CSTPP1: variants seen among roughly 807,000 people sequenced by gnomAD.
The protein encoded by CSTPP1 is UPF0705 protein C11orf49.
chr11:47,039,154 C>G, the CSTPP1 span, among the ~76,000 whole-genome samples: 1 of 127,496 alleles, frequency 7.8e-6, no homozygotes, highest in African/African-American at 2.5e-5. Context: ...AGGCAGGCTG[C>G]TGGGAGGTGA....
At chr11:47,137,456 A>G in the CSTPP1 span, 2 of 1,508,196 alleles carry the variant, frequency 1.3e-6, no homozygotes, top group South Asian at 2.5e-5. Flanking sequence ...CACCCTGGAA[A>G]AGCTTTGTAG....
the CSTPP1 span, chr11:47,155,305 C>T: frequency 2.6e-6 from 4 of 1,513,528 alleles, no homozygotes; most frequent in Non-Finnish European, 3.7e-6. Flanking sequence ...AGGACCCTGT[C>T]TCCCTGTCCT....
the CSTPP1 span, among the ~76,000 whole-genome samples, chr11:46,945,550 G>A: frequency 1.3e-5 from 2 of 152,212 alleles, no homozygotes; most frequent in East Asian, 3.9e-4. Flanking sequence ...GGGAGGCAGA[G>A]GTTGCAGTCC....
the CSTPP1 span, among the ~76,000 whole-genome samples, chr11:47,106,777 C>A: frequency 2.0e-5 from 3 of 152,294 alleles, no homozygotes; most frequent in South Asian, 2.1e-4. Flanking sequence ...CATGCAGGAG[C>A]CCTTCCTGCC....
At chr11:47,089,170 G>A in the CSTPP1 span, among the ~76,000 whole-genome samples, 1 of 152,132 alleles carries the variant, frequency 6.6e-6, no homozygotes, top group Non-Finnish European at 1.5e-5. Flanking sequence ...GTAATTCTGG[G>A]GGGATGTAAA....
At chr11:47,038,096 C>CGG in the CSTPP1 span, among the ~76,000 whole-genome samples, 1 of 71,376 alleles carries the variant, frequency 1.4e-5, no homozygotes, top group East Asian at 3.2e-4. Context: ...GCTGGCCGGG[C>CGG]GGGGGGCTGA....
the CSTPP1 span, among the ~76,000 whole-genome samples, chr11:46,998,597 A>T: frequency 2.0e-5 from 3 of 152,184 alleles, no homozygotes; most frequent in African/African-American, 7.2e-5. Context: ...AAAGGTGTGG[A>T]TGTATGACAG....
At chr11:47,130,978 C>G in the CSTPP1 span, among the ~76,000 whole-genome samples, 2 of 152,194 alleles carry the variant, frequency 1.3e-5, no homozygotes, top group Non-Finnish European at 2.9e-5. Flanking sequence ...AAACTAGAGG[C>G]TGTTCAGTCC....
chr11:46,984,162 G>T, the CSTPP1 span, among the ~76,000 whole-genome samples: 1 of 152,118 alleles, frequency 6.6e-6, no homozygotes, highest in Non-Finnish European at 1.5e-5. Flanking sequence ...GTAAAATAAA[G>T]ATAATTTTTA....
At chr11:47,089,140 G>A in the CSTPP1 span, among the ~76,000 whole-genome samples, 1 of 152,072 alleles carries the variant, frequency 6.6e-6, no homozygotes, top group Admixed American at 6.6e-5. Flanking sequence ...TAGTTCACAC[G>A]CCTCCCCTGA....
At chr11:47,017,372 A>C in the CSTPP1 span, among the ~76,000 whole-genome samples, 2 of 151,666 alleles carry the variant, frequency 1.3e-5, no homozygotes, top group Non-Finnish European at 2.9e-5. Flanking sequence ...ATGGGGTTTC[A>C]CCATATTGGT....
chr11:46,977,161 C>T, the CSTPP1 span, among the ~76,000 whole-genome samples: 4 of 152,236 alleles, frequency 2.6e-5, no homozygotes, highest in Non-Finnish European at 5.9e-5. Context: ...TAGTACATGG[C>T]TTGCATTGTA....
chr11:47,017,731 G>C, the CSTPP1 span, among the ~76,000 whole-genome samples: 2 of 148,818 alleles, frequency 1.3e-5, no homozygotes. Flanking sequence ...GCAGTGGCAC[G>C]ATCTTGGCTC....
chr11:47,010,377 C>T, the CSTPP1 span, among the ~76,000 whole-genome samples: 3 of 152,288 alleles, frequency 2.0e-5, no homozygotes, highest in East Asian at 3.9e-4. Flanking sequence ...GCCGAAGCAA[C>T]GGAATCTGTC....
At chr11:46,998,805 G>A in the CSTPP1 span, among the ~76,000 whole-genome samples, 15 of 151,826 alleles carry the variant, frequency 9.9e-5, no homozygotes, top group African/African-American at 2.7e-4. Flanking sequence ...GCGCGATCTC[G>A]GCTCACCGCA....
the CSTPP1 span, chr11:47,052,535 TC>T: frequency 6.2e-7 from 1 of 1,611,418 alleles, no homozygotes; most frequent in Non-Finnish European, 8.5e-7. Context: ...CTTCCCAAAT[TC>T]TTTTTCCTTC....
chr11:47,057,887 T>A, the CSTPP1 span, among the ~76,000 whole-genome samples: 2 of 152,182 alleles, frequency 1.3e-5, no homozygotes, highest in African/African-American at 2.4e-5. Context: ...GGGCACTGGG[T>A]AGAGTTCTCA....
At chr11:47,116,181 C>G in the CSTPP1 span, among the ~76,000 whole-genome samples, 12 of 152,140 alleles carry the variant, frequency 7.9e-5, no homozygotes, top group Non-Finnish European at 1.5e-4. Context: ...GTCTGAGAGA[C>G]AGTTTGTTGT....
At chr11:47,074,051 C>A in the CSTPP1 span, among the ~76,000 whole-genome samples, 1 of 152,082 alleles carries the variant, frequency 6.6e-6, no homozygotes, top group South Asian at 2.1e-4. Flanking sequence ...TTAAAAAAAT[C>A]AAATTAGCCG....
Sources: gnomAD v4.1 joint callset for allele counts (sites outside exome capture counted in the v4.1 genomes callset) on GRCh38, gnomAD v4.1.1 for gene constraint, MANE v1.5 for transcripts, NCBI Gene and HGNC (gene_info 2026-07-23, HGNC 2026-07-21) for gene names.